SHQ1: variants seen among roughly 807,000 people sequenced by gnomAD.
SHQ1 encodes SHQ1, H/ACA ribonucleoprotein assembly factor.
In SHQ1, 49 loss-of-function variants were observed where a neutral mutation model predicts 53.8. That is an observed-to-expected ratio of 0.91 (90% confidence interval 0.72 to 1.16). The LOEUF (loss-of-function observed/expected upper bound fraction) is 1.16. SHQ1 is among the 50% of genes most tolerant of loss of function. The pLI is 0.00. For missense variants in SHQ1, 738 were observed against 683.1 expected, an observed-to-expected ratio of 1.08 and a Z score of -0.90; for synonymous variants, 243 against 251.0, an observed-to-expected ratio of 0.97 and a Z score of 0.30.
intron 9 of SHQ1, among the ~76,000 whole-genome samples, chr3:72,808,528 G>A (rs1707022522): frequency 6.6e-6 from 1 of 152,076 alleles, no homozygotes; most frequent in Non-Finnish European, 1.5e-5. Context: ...TTTGCAAAAT[G>A]GGGATAGTAA....
the SHQ1 span, among the ~76,000 whole-genome samples, chr3:72,739,237 C>G: frequency 1.5e-3 from 224 of 152,352 alleles, no homozygotes; most frequent in African/African-American, 5.3e-3. Flanking sequence ...TCTCAAGTGT[C>G]GGTGCTCAAC....
intron 10 of SHQ1, chr3:72,753,509 A>T (rs1201454247): frequency 3.0e-6 from 3 of 985,326 alleles, no homozygotes; most frequent in African/African-American, 3.5e-5. Flanking sequence ...TCACATGTGT[A>T]ATCAGGCCAC....
intron 10 of SHQ1, among the ~76,000 whole-genome samples, chr3:72,780,067 C>G (rs980095472): frequency 6.6e-6 from 1 of 152,112 alleles, no homozygotes; most frequent in Admixed American, 6.6e-5. Flanking sequence ...AAGACCCTGC[C>G]TCTACTATTT....
chr3:72,780,382 G>A (rs1234656327), intron 10 of SHQ1, among the ~76,000 whole-genome samples: 1 of 152,162 alleles, frequency 6.6e-6, no homozygotes, highest in African/African-American at 2.4e-5. Context: ...AAGCAGACAG[G>A]ACAAATGCTG....
the SHQ1 span, among the ~76,000 whole-genome samples, chr3:72,730,024 T>C: frequency 6.6e-6 from 1 of 152,108 alleles, no homozygotes; most frequent in Non-Finnish European, 1.5e-5. Flanking sequence ...TTCACCGTGT[T>C]AGCCAGGATG....
intron 6 of SHQ1, among the ~76,000 whole-genome samples, chr3:72,823,148 CAAAAA>C (rs772618429): frequency 2.6e-5 from 2 of 76,272 alleles, no homozygotes; most frequent in African/African-American, 4.8e-5. Flanking sequence ...GACTCCGTCT[CAAAAA>C]AAAAAAAAAA....
At chr3:72,733,439 A>G in the SHQ1 span, among the ~76,000 whole-genome samples, 1 of 151,560 alleles carries the variant, frequency 6.6e-6, no homozygotes, top group African/African-American at 2.4e-5. Flanking sequence ...ATAATGAAAA[A>G]AAACCAAATT....
intron 10 of SHQ1, among the ~76,000 whole-genome samples, chr3:72,765,684 G>T (rs907096558): frequency 6.6e-6 from 1 of 151,250 alleles, no homozygotes; most frequent in Non-Finnish European, 1.5e-5. Flanking sequence ...CTCCTGAGTG[G>T]CTGGGATTAC....
chr3:72,767,637 C>A (rs918248643), intron 10 of SHQ1, among the ~76,000 whole-genome samples: 7 of 152,240 alleles, frequency 4.6e-5, no homozygotes, highest in Admixed American at 4.6e-4. Context: ...GTCCTCAAGA[C>A]TTACTGGCAA....
intron 10 of SHQ1, among the ~76,000 whole-genome samples, chr3:72,768,319 G>C (rs759520975): frequency 3.3e-5 from 5 of 152,160 alleles, no homozygotes; most frequent in Non-Finnish European, 7.4e-5. Context: ...TTCTTTCCTA[G>C]TGCTCCCGAT....
intron 6 of SHQ1, among the ~76,000 whole-genome samples, chr3:72,823,444 T>A (rs187869481): frequency 1.8e-4 from 28 of 152,312 alleles, no homozygotes; most frequent in Non-Finnish European, 4.4e-5. Context: ...TACTTCAGAA[T>A]GAGTGGTCAA....
the SHQ1 span, among the ~76,000 whole-genome samples, chr3:72,728,426 C>A: frequency 2.0e-5 from 3 of 152,202 alleles, no homozygotes; most frequent in Non-Finnish European, 4.4e-5. Flanking sequence ...GCACTAGAGG[C>A]CCGAGGCAGC....
At chr3:72,846,380 C>T (rs1708329434) in intron 1 of SHQ1, 3 of 1,395,210 alleles carry the variant, frequency 2.2e-6, no homozygotes, top group South Asian at 1.3e-5. Flanking sequence ...CTGCAACCTT[C>T]GCCCCCCAGG....
chr3:72,804,482 CTCA>C (rs1706881213), intron 9 of SHQ1, among the ~76,000 whole-genome samples: 1 of 140,336 alleles, frequency 7.1e-6, no homozygotes, highest in African/African-American at 2.6e-5. Context: ...TCCATGTGTT[CTCA>C]TCATAAATAC....
chr3:72,775,292 T>A (rs536720432), intron 10 of SHQ1, among the ~76,000 whole-genome samples: 1 of 151,818 alleles, frequency 6.6e-6, no homozygotes, highest in Non-Finnish European at 1.5e-5. Flanking sequence ...TAAAAACAAC[T>A]CTATGCCAGA....
intron 6 of SHQ1, among the ~76,000 whole-genome samples, chr3:72,817,635 C>T (rs1010621056): frequency 3.9e-5 from 6 of 152,138 alleles, no homozygotes; most frequent in African/African-American, 1.2e-4. Flanking sequence ...CCTGACCCTC[C>T]CTTTTTTGCT....
At chr3:72,730,783 T>C in the SHQ1 span, among the ~76,000 whole-genome samples, 4 of 146,822 alleles carry the variant, frequency 2.7e-5, no homozygotes, top group African/African-American at 5.0e-5. Context: ...AATGTGTCAA[T>C]CTCTCTCTCT....
the SHQ1 span, among the ~76,000 whole-genome samples, chr3:72,732,380 GCCTGCCTGCCTT>G: frequency 3.6e-3 from 347 of 95,308 alleles, 1 homozygote; most frequent in Non-Finnish European, 4.1e-3. Context: ...CTGCCTGCCT[GCCTGCCTGCCTT>G]CCTTCCTTCC....
In SHQ1 at chr3:72,763,046, CACACACACACACACACAG is replaced by C. The variant is rs1299375104; in HGVS notation, c.1182-12228_1182-12211del. On this transcript the variant is annotated intron_variant, in intron 10 of 10. Transcript: ENST00000325599. The stretch of plus-strand genomic sequence containing the variant: ...TTACACACACACACACACACACACA[CACACACACACACACACAG>C]AGAGAGAGAGAGAGAGAGAGAGAAA... Among the ~76,000 whole-genome samples the C allele has an allele frequency of 7.8e-4, 110 of 141,140 alleles. 3 individuals are homozygous for C. The South Asian group carries it at 0.022, about 29-fold the overall frequency. 92.6% of individuals were successfully genotyped at this position (141,140 alleles called of 152,430 possible).
Sources: allele counts gnomAD v4.1 joint callset (sites outside exome capture counted in the v4.1 genomes callset), GRCh38; gene constraint gnomAD v4.1.1; transcripts MANE v1.5; gene names NCBI Gene and HGNC (gene_info 2026-07-23, HGNC 2026-07-21).